The following ARHGAP44 variants were observed in gnomAD, a reference collection of about 807,000 sequenced individuals.
ARHGAP44 encodes rho GTPase-activating protein 44.
In ARHGAP44, 43 loss-of-function variants were observed where a neutral mutation model predicts 106.8. The observed-to-expected ratio is 0.40, with a 90% confidence interval of 0.32 to 0.52. The LOEUF (loss-of-function observed/expected upper bound fraction) is 0.52, where lower values mean the gene tolerates loss of function less well. Among genes scored for constraint, ARHGAP44 ranks in the 20% least tolerant of loss-of-function variants. The probability of loss-of-function intolerance (pLI) is 0.48; values close to 1 mark genes in which losing one functional copy is unlikely to be tolerated. For synonymous variants in ARHGAP44, 439 were observed against 410.3 expected (o/e 1.07, Z -0.85); for missense variants, 866 against 1,050.5 (o/e 0.82, Z 2.43).
chr17:12,792,981 TC>T (rs1238095688), intron 1 of ARHGAP44, among the ~76,000 whole-genome samples: 1 of 152,238 alleles, frequency 6.6e-6, no homozygotes, highest in African/African-American at 2.4e-5. Context: ...CTTTGAACTT[TC>T]CCCTTTCTGT....
At position 12,956,746 on chromosome 17, in the gene ARHGAP44, G is replaced by C. The variant is rs1178366662; in HGVS notation, c.1342G>C (p.Glu448Gln). 1.9e-6 allele frequency: 3 copies of C among 1,613,792 alleles called. No individual in the cohort carries two copies. The change falls in exon 15 of 21, where the codon GAG (glutamate) becomes CAG (glutamine). Residue 448 changes from glutamate to glutamine, a missense_variant and splice_region_variant. Around this residue, in one of 2 missense-constraint regions of ARHGAP44, gnomAD observed 448 missense variants for 646.9 expected, o/e 0.69. Transcript: ENST00000379672. ...IQHADWFFPG[E>Q]IEFNITGNYG... ...GCATGCAGACTGGTTCTTCCCTGGG[G>C]GTAGGTGACAGCACCTAGGTGTGGG...
At chr17:12,803,961 A>G (rs1679561940) in intron 1 of ARHGAP44, among the ~76,000 whole-genome samples, 2 of 152,184 alleles carry the variant, frequency 1.3e-5, no homozygotes, top group Admixed American at 6.5e-5. Context: ...TTTCGGTTAT[A>G]ATAACAGATG....
At chr17:12,848,681 C>G (rs1171624064) in intron 1 of ARHGAP44, among the ~76,000 whole-genome samples, 1 of 152,108 alleles carries the variant, frequency 6.6e-6, no homozygotes, top group East Asian at 1.9e-4. Flanking sequence ...GACTCAGCTC[C>G]TTGAGTGCAG....
intron 20 of ARHGAP44, chr17:12,988,925 CA>C (rs76187703): frequency 0.15 from 12,487 of 84,610 alleles, 625 homozygotes; most frequent in Middle Eastern, 0.28. Flanking sequence ...CTAAAAACAC[CA>C]AAAAAAAAAA....
chr17:12,952,545 G>A lies in ARHGAP44; in HGVS notation c.1100G>A (p.Cys367Tyr). The A allele has an allele frequency of 6.3e-7, 1 of 1,579,768 alleles. No homozygotes were observed. The highest frequency in any genetic ancestry group is 1.8e-5 in the Admixed American group (1 of 54,998). Residue 367 changes from cysteine to tyrosine, a missense_variant, in exon 13 of 21, where the codon TGT becomes TAT. Around this residue, in one of 2 missense-constraint regions of ARHGAP44, gnomAD observed 448 missense variants for 646.9 expected, o/e 0.69. Coordinates refer to ENST00000379672, the MANE Select transcript of ARHGAP44 (RefSeq NM_014859.6). ...AAGCTTCAGGCTCTATGGAATGCTT[G>A]TGAAAAGTTGCCCAAGGCCAATCAC... Reference protein sequence around the residue: ...DKKLQALWNACEKLPKANHNN... With the variant: ...DKKLQALWNAYEKLPKANHNN...
intron 1 of ARHGAP44, among the ~76,000 whole-genome samples, chr17:12,880,451 TGGTGTTTGC>T (rs1249115922): frequency 6.6e-6 from 1 of 152,174 alleles, no homozygotes; most frequent in African/African-American, 2.4e-5. Flanking sequence ...AGGTGTTTAA[TGGTGTTTGC>T]TTTTGAGCTT....
intron 1 of ARHGAP44, among the ~76,000 whole-genome samples, chr17:12,872,836 T>C (rs2036442135): frequency 6.6e-6 from 1 of 152,216 alleles, no homozygotes; most frequent in Non-Finnish European, 1.5e-5. Context: ...GGAACTTCAA[T>C]CATACATGAC....
chr17:12,959,140 C>CCTG, intron 16 of ARHGAP44: 1 of 480,906 alleles, frequency 2.1e-6, no homozygotes, highest in Non-Finnish European at 3.7e-6. Flanking sequence ...TTAATTAGTT[C>CCTG]TCATCAAAAG....
At chr17:12,825,042 A>G (rs1382046354) in intron 1 of ARHGAP44, among the ~76,000 whole-genome samples, 2 of 151,756 alleles carry the variant, frequency 1.3e-5, no homozygotes, top group Admixed American at 6.6e-5. Context: ...TTATTTGATT[A>G]CTATCTTTTT....
At chr17:12,826,501 G>A (rs2034922676) in intron 1 of ARHGAP44, among the ~76,000 whole-genome samples, 1 of 152,060 alleles carries the variant, frequency 6.6e-6, no homozygotes, top group South Asian at 2.1e-4. Context: ...AGTGTAATTG[G>A]ACCATGACTT....
chr17:12,926,414 A>T (rs113592637), intron 6 of ARHGAP44, among the ~76,000 whole-genome samples: 1,873 of 142,378 alleles, frequency 0.013, 47 homozygotes, highest in South Asian at 0.089. Flanking sequence ...TATATATATA[A>T]TATATATGTA....
intron 1 of ARHGAP44, among the ~76,000 whole-genome samples, chr17:12,838,074 A>G (rs2035288944): frequency 6.6e-6 from 1 of 152,102 alleles, no homozygotes; most frequent in South Asian, 2.1e-4. Flanking sequence ...GGGTTACTTT[A>G]CTATTGTTCA....
In ARHGAP44 at chr17:12,811,270, A is replaced by G. The variant is rs977768913; in HGVS notation, c.53+21379A>G. 7.3e-5 allele frequency among the ~76,000 whole-genome samples: 11 copies of G among 150,158 alleles called. No homozygotes were observed. In the South Asian group the frequency reaches 1.9e-3, roughly 26 times the overall value. ...GGAGCTTGCAGTGAGCCGAGATCGCACCACTGCACTCCAGCCTGGGTGACA... is the reference window on the plus strand; with the variant it reads ...GGAGCTTGCAGTGAGCCGAGATCGCGCCACTGCACTCCAGCCTGGGTGACA... On this transcript the variant is annotated intron_variant, in intron 1 of 20. Coordinates refer to ENST00000379672, the MANE Select transcript of ARHGAP44 (RefSeq NM_014859.6).
chr17:12,829,465 A>G (rs2035024586), intron 1 of ARHGAP44, among the ~76,000 whole-genome samples: 2 of 152,154 alleles, frequency 1.3e-5, no homozygotes, highest in South Asian at 2.1e-4. Flanking sequence ...GCAACACTGC[A>G]TAAATATTTA....
intron 9 of ARHGAP44, 149 bp from the exon 10 acceptor site, chr17:12,943,920 G>A (rs2038774058): frequency 8.4e-7 from 1 of 1,185,786 alleles, no homozygotes; most frequent in Non-Finnish European, 1.1e-6. Flanking sequence ...CAGTCCTCCT[G>A]TCATCCTTAA....
chr17:12,989,994 GCCT>G (rs1174946844), intron 20 of ARHGAP44, 35 bp from the exon 21 acceptor site: 1 of 1,588,252 alleles, frequency 6.3e-7, no homozygotes, highest in East Asian at 2.3e-5. Flanking sequence ...TTGCCGGGAA[GCCT>G]CCTTTCAACC....
intron 1 of ARHGAP44, among the ~76,000 whole-genome samples, chr17:12,824,678 G>A (rs950911299): frequency 3.3e-5 from 5 of 151,894 alleles, no homozygotes; most frequent in African/African-American, 1.2e-4. Flanking sequence ...AATTATTTTC[G>A]GTGTTTCCCA....
chr17:12,802,581 C>G (rs2034126255), intron 1 of ARHGAP44, among the ~76,000 whole-genome samples: 1 of 151,914 alleles, frequency 6.6e-6, no homozygotes, highest in Non-Finnish European at 1.5e-5. Flanking sequence ...AAAGGAAAAT[C>G]AGACTCTTGG....
chr17:12,868,721 G>A (rs751463581), intron 1 of ARHGAP44, among the ~76,000 whole-genome samples: 18 of 149,510 alleles, frequency 1.2e-4, no homozygotes, highest in Non-Finnish European at 2.5e-4. Flanking sequence ...GCAATGGCGC[G>A]ATCTTGGCTC....
Sources: gnomAD v4.1 joint callset for allele counts (sites outside exome capture counted in the v4.1 genomes callset) on GRCh38, gnomAD v4.1.1 for gene constraint, gnomAD v4.1.1 regional missense constraint, MANE v1.5 for transcripts, NCBI Gene and HGNC (gene_info 2026-07-23, HGNC 2026-07-21) for gene names.